The following SLC35F1 variants were observed in gnomAD, a reference collection of about 807,000 sequenced individuals.
SLC35F1 encodes the protein chromosome 6 open reading frame 169.
A neutral mutation model predicts 48.7 loss-of-function variants in SLC35F1; 14 were observed. The observed-to-expected ratio is 0.29, with a 90% confidence interval of 0.19 to 0.45. The LOEUF is 0.45. Ranked by LOEUF, SLC35F1 falls within the 20% of genes least tolerant of loss-of-function variation. The pLI, the probability that SLC35F1 is intolerant of heterozygous loss-of-function variation, is 1.00. For synonymous variants in SLC35F1, 190 were observed against 202.2 expected (o/e 0.94, Z 0.51); for missense variants, 404 against 500.0 (o/e 0.81, Z 1.83).
At chr6:118,134,790 G>A (rs1181692345) in intron 1 of SLC35F1, among the ~76,000 whole-genome samples, 4 of 152,170 alleles carry the variant, frequency 2.6e-5, no homozygotes, top group African/African-American at 9.7e-5. Flanking sequence ...GAAGTGACTT[G>A]TGCCGTTTTA....
intron 2 of SLC35F1, among the ~76,000 whole-genome samples, chr6:118,180,260 A>G (rs1209899163): frequency 6.6e-6 from 1 of 152,158 alleles, no homozygotes; most frequent in Non-Finnish European, 1.5e-5. Flanking sequence ...GGAAGAATGC[A>G]TTTTAAAATA....
intron 7 of SLC35F1, among the ~76,000 whole-genome samples, chr6:118,304,610 G>A (rs752997773): frequency 6.6e-6 from 1 of 152,172 alleles, no homozygotes; most frequent in Non-Finnish European, 1.5e-5. Context: ...ATCTGAGGAA[G>A]ATTTTTATAC....
At chr6:118,180,192 A>G (rs1774553389) in intron 2 of SLC35F1, among the ~76,000 whole-genome samples, 1 of 152,192 alleles carries the variant, frequency 6.6e-6, no homozygotes, top group Admixed American at 6.6e-5. Context: ...TTTAATTTTA[A>G]GTAGTCTCAG....
At chr6:118,141,556 T>G (rs1773889885) in intron 1 of SLC35F1, among the ~76,000 whole-genome samples, 2 of 152,118 alleles carry the variant, frequency 1.3e-5, no homozygotes, top group Non-Finnish European at 2.9e-5. Context: ...ATGGTCAGGT[T>G]CCTGTGAGGG....
rs565559953 is a variant in SLC35F1, at chr6:117,924,000, CAT to C, written c.173+16103_173+16104del. 1.9e-3 allele frequency among the ~76,000 whole-genome samples: 293 copies of C among 150,568 alleles called. 1 individual carries two copies. The highest frequency in any genetic ancestry group is 0.018 in the Middle Eastern group (5 of 282). ...ATGGAAATTGACATACATATATACA[CAT>C]ACATGTGTGTACGTATATACCTATA... On this transcript the variant is annotated intron_variant, in intron 1 of 7. Coordinates refer to ENST00000360388, the MANE Select transcript of SLC35F1 (RefSeq NM_001029858.4).
At chr6:118,056,707 C>T (rs967986171) in intron 1 of SLC35F1, among the ~76,000 whole-genome samples, 2 of 152,044 alleles carry the variant, frequency 1.3e-5, no homozygotes, top group Admixed American at 6.5e-5. Flanking sequence ...AGTGTGTATT[C>T]GAGTGTGGAA....
intron 1 of SLC35F1, among the ~76,000 whole-genome samples, chr6:117,980,010 C>T (rs997646648): frequency 6.6e-6 from 1 of 152,160 alleles, no homozygotes; most frequent in Non-Finnish European, 1.5e-5. Flanking sequence ...TGTGAAATTT[C>T]TTCTACCCGT....
At chr6:118,011,154 G>C (rs1337509263) in intron 1 of SLC35F1, among the ~76,000 whole-genome samples, 1 of 152,260 alleles carries the variant, frequency 6.6e-6, no homozygotes, top group East Asian at 1.9e-4. Context: ...GGATGAAACT[G>C]TTCCACCTTA....
At chr6:118,219,222 T>C (rs908593337) in intron 2 of SLC35F1, among the ~76,000 whole-genome samples, 1 of 152,216 alleles carries the variant, frequency 6.6e-6, no homozygotes, top group Non-Finnish European at 1.5e-5. Flanking sequence ...CCTTAAGTTC[T>C]ATGGAATAGA....
At chr6:117,975,725 G>A (rs1393374651) in intron 1 of SLC35F1, among the ~76,000 whole-genome samples, 4 of 152,186 alleles carry the variant, frequency 2.6e-5, no homozygotes, top group African/African-American at 9.7e-5. Flanking sequence ...TGCTGAAGTT[G>A]TAGTCTGTAT....
chr6:118,114,090 T>C (rs998153498), intron 1 of SLC35F1, among the ~76,000 whole-genome samples: 2 of 152,160 alleles, frequency 1.3e-5, no homozygotes, highest in African/African-American at 4.8e-5. Flanking sequence ...ACAAGAGATA[T>C]ATGCCAGTAT....
chr6:117,993,025 G>T (rs1434722522), intron 1 of SLC35F1, among the ~76,000 whole-genome samples: 6 of 152,184 alleles, frequency 3.9e-5, no homozygotes, highest in African/African-American at 1.4e-4. Flanking sequence ...GAAAGCCACA[G>T]ACCCCGTTTA....
At chr6:118,118,880 T>C (rs1043960793) in intron 1 of SLC35F1, among the ~76,000 whole-genome samples, 2 of 151,904 alleles carry the variant, frequency 1.3e-5, no homozygotes, top group African/African-American at 2.4e-5. Flanking sequence ...TGCAAACCTC[T>C]GAGATGAAAA....
chr6:117,979,487 A>G (rs1243481135), intron 1 of SLC35F1, among the ~76,000 whole-genome samples: 2 of 152,222 alleles, frequency 1.3e-5, no homozygotes, highest in Non-Finnish European at 2.9e-5. Context: ...CTTCAGATAC[A>G]TTCATTTTAC....
intron 1 of SLC35F1, among the ~76,000 whole-genome samples, chr6:117,998,486 C>T (rs1777035153): frequency 6.6e-6 from 1 of 152,086 alleles, no homozygotes; most frequent in Non-Finnish European, 1.5e-5. Context: ...TTTTCAGCAC[C>T]ACACCACACC....
At chr6:118,126,607 T>G (rs4946325) in intron 1 of SLC35F1, among the ~76,000 whole-genome samples, 1 of 150,704 alleles carries the variant, frequency 6.6e-6, no homozygotes, top group Non-Finnish European at 1.5e-5. Flanking sequence ...TTCTTCCTAC[T>G]CATGAGCATG....
intron 1 of SLC35F1, among the ~76,000 whole-genome samples, chr6:118,106,933 G>A (rs929282538): frequency 3.9e-5 from 6 of 152,148 alleles, no homozygotes; most frequent in Non-Finnish European, 8.8e-5. Context: ...CCTCCTCACA[G>A]AAGGCTTTTC....
At chr6:118,031,280 G>A (rs1018707094) in intron 1 of SLC35F1, among the ~76,000 whole-genome samples, 6 of 152,040 alleles carry the variant, frequency 3.9e-5, no homozygotes, top group East Asian at 1.9e-4. Flanking sequence ...TGTCTTAAAC[G>A]ATAAGTTATT....
At chr6:118,181,921 T>C (rs141389696) in intron 2 of SLC35F1, among the ~76,000 whole-genome samples, 93 of 152,178 alleles carry the variant, frequency 6.1e-4, no homozygotes, top group African/African-American at 2.0e-3. Flanking sequence ...TGATTCAAAA[T>C]AGATAAAGTA....
Sources: gnomAD v4.1 joint callset for allele counts (sites outside exome capture counted in the v4.1 genomes callset) on GRCh38, gnomAD v4.1.1 for gene constraint, MANE v1.5 for transcripts, NCBI Gene and HGNC (gene_info 2026-07-23, HGNC 2026-07-21) for gene names.